STK33: variants seen among roughly 807,000 people sequenced by gnomAD.
STK33 encodes the protein serine/threonine-protein kinase 33.
Under a neutral mutation model 58.0 loss-of-function variants are expected in STK33, and 52 were observed. That is an observed-to-expected ratio of 0.90 (90% CI 0.72 to 1.13). STK33 has a LOEUF of 1.13. Among genes scored for constraint, STK33 ranks in the 50% most tolerant of loss-of-function variants. The probability of loss-of-function intolerance (pLI) is 0.00; values close to 1 mark genes in which losing one functional copy is unlikely to be tolerated. For synonymous variants in STK33, 215 were observed against 200.1 expected, an observed-to-expected ratio of 1.07 and a Z score of -0.63; for missense variants, 630 against 604.2, an observed-to-expected ratio of 1.04 and a Z score of -0.45.
intron 8 of STK33, 61 bp from the exon 9 acceptor site, chr11:8,457,540 G>C: frequency 7.4e-7 from 1 of 1,358,858 alleles, no homozygotes. Flanking sequence ...TCTTTAAAAT[G>C]TTATATATCA....
At chr11:8,399,899 C>A (rs1178472320) in intron 15 of STK33, among the ~76,000 whole-genome samples, 1 of 152,234 alleles carries the variant, frequency 6.6e-6, no homozygotes. Context: ...AACACATACA[C>A]TCTCCCAAGA....
chr11:8,343,433 G>C, the STK33 span, among the ~76,000 whole-genome samples: 1 of 152,238 alleles, frequency 6.6e-6, no homozygotes, highest in African/African-American at 2.4e-5. Context: ...TGAGTTCTGA[G>C]GTGACTGTGG....
intron 8 of STK33, 46 bp downstream of exon 8, chr11:8,461,759 T>G (rs781141519): frequency 4.9e-6 from 7 of 1,419,096 alleles, no homozygotes; most frequent in South Asian, 2.8e-5. Context: ...ATATTCATTT[T>G]GTAATAATAA....
intron 7 of STK33, among the ~76,000 whole-genome samples, chr11:8,463,349 C>T (rs7120065): frequency 0.55 from 83,513 of 151,934 alleles, 23,335 homozygotes; most frequent in African/African-American, 0.65. Flanking sequence ...CCCTCACATA[C>T]ACAGTTCACA....
At chr11:8,443,592 C>T (rs1383371700) in intron 11 of STK33, among the ~76,000 whole-genome samples, 2 of 130,716 alleles carry the variant, frequency 1.5e-5, no homozygotes, top group Non-Finnish European at 1.7e-5. Flanking sequence ...ATTAGAACAC[C>T]GTATGGCAAA....
intron 10 of STK33, 125 bp from the exon 11 acceptor site, chr11:8,453,031 T>C (rs1234021581): frequency 1.6e-5 from 13 of 805,764 alleles, no homozygotes; most frequent in South Asian, 4.9e-5. Flanking sequence ...AGGACTTTAA[T>C]TGAATCATTA....
chr11:8,375,697 G>A, the STK33 span, among the ~76,000 whole-genome samples: 2 of 152,062 alleles, frequency 1.3e-5, no homozygotes, highest in Admixed American at 1.3e-4. Context: ...ATGATAGTGA[G>A]TTCTTACGAG....
chr11:8,401,425 G>A (rs1937924193), intron 15 of STK33, among the ~76,000 whole-genome samples: 1 of 152,114 alleles, frequency 6.6e-6, no homozygotes, highest in African/African-American at 2.4e-5. Flanking sequence ...TATGTAGAAA[G>A]CTGAAACTGG....
intron 1 of STK33, among the ~76,000 whole-genome samples, chr11:8,518,889 A>G (rs945930960): frequency 4.6e-5 from 7 of 152,320 alleles, no homozygotes; most frequent in Non-Finnish European, 8.8e-5. Context: ...CACAGTAATA[A>G]TGGGAGACTT....
At chr11:8,450,119 C>T (rs930965035) in intron 11 of STK33, among the ~76,000 whole-genome samples, 19 of 152,190 alleles carry the variant, frequency 1.2e-4, no homozygotes, top group African/African-American at 3.4e-4. Flanking sequence ...ATGTTTATTG[C>T]GACACTGTTC....
At position 8,591,718 on chromosome 11, in the gene STK33, C is replaced by T. The variant is rs562756368; in HGVS notation, c.-466+2365G>A. Among the ~76,000 whole-genome samples, 34 of 152,030 alleles carry T rather than the reference C, an allele frequency of 2.2e-4. No homozygotes were observed. In the East Asian group the frequency reaches 3.9e-3, roughly 17 times the overall value. On this transcript the variant is annotated intron_variant, in intron 1 of 15. Transcript: ENST00000687296. ...GATGAAACTGGAAACCATCATTCTCCGCAAACTATCGCAAGGACAAAAAAC... is the reference window on the plus strand; with the variant it reads ...GATGAAACTGGAAACCATCATTCTCTGCAAACTATCGCAAGGACAAAAAAC...
At chr11:8,350,884 C>T in the STK33 span, among the ~76,000 whole-genome samples, 1 of 152,154 alleles carries the variant, frequency 6.6e-6, no homozygotes, top group East Asian at 1.9e-4. Context: ...AGCCCTTCCG[C>T]AGAGTCACCA....
the STK33 span, among the ~76,000 whole-genome samples, chr11:8,344,625 A>T: frequency 6.6e-6 from 1 of 152,154 alleles, no homozygotes; most frequent in Admixed American, 6.5e-5. Flanking sequence ...TTCCAAGGTT[A>T]TTTTCTCCTG....
chr11:8,508,491 C>CA (rs1251871212), intron 1 of STK33, among the ~76,000 whole-genome samples: 1 of 151,888 alleles, frequency 6.6e-6, no homozygotes, highest in East Asian at 2.0e-4. Context: ...AGGCTATTCT[C>CA]AAACTCCTGG....
chr11:8,435,617 A>T (rs1943966008), intron 13 of STK33, 38 bp from the exon 14 acceptor site: 1 of 1,263,682 alleles, frequency 7.9e-7, no homozygotes, highest in African/African-American at 1.5e-5. Flanking sequence ...ATCTTATTTA[A>T]CTACAATTAA....
At chr11:8,509,886 T>A (rs1247051742) in intron 1 of STK33, among the ~76,000 whole-genome samples, 4 of 152,340 alleles carry the variant, frequency 2.6e-5, no homozygotes, top group African/African-American at 9.6e-5. Context: ...GTACATACAT[T>A]TTCTTTATCC....
At chr11:8,528,987 T>C (rs2140076557) in intron 1 of STK33, among the ~76,000 whole-genome samples, 1 of 152,358 alleles carries the variant, frequency 6.6e-6, no homozygotes, top group Middle Eastern at 3.4e-3. Flanking sequence ...CTGTTTTTTA[T>C]AATAGCATCA....
At chr11:8,395,476 T>G (rs1849173053) in intron 15 of STK33, among the ~76,000 whole-genome samples, 1 of 152,258 alleles carries the variant, frequency 6.6e-6, no homozygotes, top group Non-Finnish European at 1.5e-5. Flanking sequence ...CCAGTATGTC[T>G]TTATTAGCAG....
chr11:8,530,084 A>G (rs1954398185), intron 1 of STK33, among the ~76,000 whole-genome samples: 1 of 152,328 alleles, frequency 6.6e-6, no homozygotes, highest in African/African-American at 2.4e-5. Flanking sequence ...TTAGGATGGA[A>G]GAGAGGCTTT....
Sources: allele counts gnomAD v4.1 joint callset (sites outside exome capture counted in the v4.1 genomes callset), GRCh38; gene constraint gnomAD v4.1.1; transcripts MANE v1.5; gene names NCBI Gene and HGNC (gene_info 2026-07-23, HGNC 2026-07-21).